Variants in RBM47 observed in about 807,000 individuals in gnomAD.
The protein encoded by RBM47 is RNA-binding protein 47.
RBM47 carries 21 observed loss-of-function variants against 47.1 expected under a neutral mutation model. That is an observed-to-expected ratio of 0.45 (90% CI 0.32 to 0.64). RBM47 has a LOEUF of 0.64. Among genes scored for constraint, RBM47 ranks in the 30% least tolerant of loss-of-function variants. The pLI is 0.05. For missense variants in RBM47, 708 were observed against 870.9 expected, an observed-to-expected ratio of 0.81 and a Z score of 2.35; for synonymous variants, 375 against 361.7, an observed-to-expected ratio of 1.04 and a Z score of -0.42.
At chr4:40,582,626 T>C (rs1733063482) in intron 1 of RBM47, among the ~76,000 whole-genome samples, 1 of 152,222 alleles carries the variant, frequency 6.6e-6, no homozygotes, top group Non-Finnish European at 1.5e-5. Context: ...ATCTGTTCCC[T>C]GCCTCACTCC....
chr4:40,533,699 A>G (rs770340320), intron 2 of RBM47, among the ~76,000 whole-genome samples: 1 of 152,020 alleles, frequency 6.6e-6, no homozygotes, highest in Non-Finnish European at 1.5e-5. Context: ...GCAGTGGCAA[A>G]AACATGGCTC....
At position 40,478,200 on chromosome 4, in the gene RBM47, A is replaced by G. The variant is rs1719908814; in HGVS notation, c.-154-11501T>C. On this transcript the variant is annotated intron_variant, in intron 2 of 6. Transcript: ENST00000295971. ...CCGGATAATTTTGTATTTTTAGTAG[A>G]GACGGGGTTTCACCATGTTGGTCAG... Among the ~76,000 whole-genome samples, 4 of 152,064 alleles carry G rather than the reference A, an allele frequency of 2.6e-5. No individual in the cohort carries two copies. The South Asian group carries it at 8.3e-4, about 32-fold the overall frequency.
chr4:40,564,027 T>G (rs1394527814), intron 1 of RBM47, among the ~76,000 whole-genome samples: 1 of 152,158 alleles, frequency 6.6e-6, no homozygotes, highest in Non-Finnish European at 1.5e-5. Flanking sequence ...CTGGGCAACA[T>G]AGCAAGACAC....
chr4:40,563,900 A>G (rs922848146), intron 1 of RBM47, among the ~76,000 whole-genome samples: 3 of 152,190 alleles, frequency 2.0e-5, no homozygotes, highest in African/African-American at 4.8e-5. Flanking sequence ...AAGCTAAGCA[A>G]AAATGTAAAA....
At chr4:40,459,790 G>T (rs1334842268) in intron 3 of RBM47, among the ~76,000 whole-genome samples, 1 of 151,992 alleles carries the variant, frequency 6.6e-6, no homozygotes, top group Non-Finnish European at 1.5e-5. Flanking sequence ...GCTAAGGCTG[G>T]TGTGCAATAG....
chr4:40,534,875 C>T (rs1727773533), intron 2 of RBM47, among the ~76,000 whole-genome samples: 1 of 148,668 alleles, frequency 6.7e-6, no homozygotes, highest in Non-Finnish European at 1.5e-5. Context: ...GCGGAGCTTG[C>T]AGTGAGCCGA....
chr4:40,452,711 T>C (rs1379395001), intron 3 of RBM47, among the ~76,000 whole-genome samples: 4 of 152,078 alleles, frequency 2.6e-5, no homozygotes, highest in Non-Finnish European at 4.4e-5. Context: ...GCCTTTTTTC[T>C]ACAATTAGAA....
At chr4:40,434,009 G>A (rs200558594) in intron 5 of RBM47, among the ~76,000 whole-genome samples, 4,108 of 54,974 alleles carry the variant, frequency 0.075, 608 homozygotes, top group Middle Eastern at 0.26. Flanking sequence ...GGGGGTGTGT[G>A]TGTGTGTGTG....
At chr4:40,585,952 C>G (rs1733537494) in intron 1 of RBM47, among the ~76,000 whole-genome samples, 1 of 152,340 alleles carries the variant, frequency 6.6e-6, no homozygotes, top group African/African-American at 2.4e-5. Flanking sequence ...CAGGACGGTA[C>G]TCTTTATCTC....
At chr4:40,543,875 A>C (rs1270048609) in intron 2 of RBM47, 1 of 151,580 alleles carries the variant, frequency 6.6e-6, no homozygotes, top group African/African-American at 2.4e-5. Flanking sequence ...TCATCAGACT[A>C]TGCATTTCTT....
At position 40,469,230 on chromosome 4, in the gene RBM47, C is replaced by A. The variant is rs545826219; in HGVS notation, c.-154-2531G>T. 1.6e-3 allele frequency among the ~76,000 whole-genome samples: 240 copies of A among 152,132 alleles called. 1 individual carries two copies. Among genetic ancestry groups the A allele is most frequent in the African/African-American group, 5.4e-3 (225 of 41,492 alleles). On this transcript the variant is annotated intron_variant, in intron 2 of 6. Transcript: ENST00000295971. ...ACATGTAAACTCTAAGAATTGAAAG[C>A]AAATTATTAATATATAAATGAAACA... is the stretch of plus-strand genomic sequence containing the variant.
intron 2 of RBM47, among the ~76,000 whole-genome samples, chr4:40,525,744 G>A (rs1430361587): frequency 2.0e-5 from 3 of 152,308 alleles, no homozygotes; most frequent in African/African-American, 7.2e-5. Flanking sequence ...AAAACCTAGG[G>A]AATAGGCTTA....
At chr4:40,452,986 G>A (rs1013233055) in intron 3 of RBM47, among the ~76,000 whole-genome samples, 16 of 151,740 alleles carry the variant, frequency 1.1e-4, no homozygotes, top group Admixed American at 8.5e-4. Context: ...TGGAACTACA[G>A]GCACCCACCA....
chr4:40,503,268 G>A (rs978764036), intron 2 of RBM47, among the ~76,000 whole-genome samples: 4 of 152,202 alleles, frequency 2.6e-5, no homozygotes, highest in African/African-American at 9.6e-5. Flanking sequence ...AGGAGGCTGG[G>A]TAGATGCTTT....
At chr4:40,551,336 C>T (rs769733194) in intron 1 of RBM47, among the ~76,000 whole-genome samples, 11 of 152,112 alleles carry the variant, frequency 7.2e-5, no homozygotes, top group Admixed American at 1.3e-4. Flanking sequence ...ACTTTTGCAA[C>T]GTGGAATCAG....
chr4:40,574,180 A>C (rs1470839292), intron 1 of RBM47, among the ~76,000 whole-genome samples: 2 of 152,212 alleles, frequency 1.3e-5, no homozygotes, highest in Non-Finnish European at 2.9e-5. Flanking sequence ...CCGAGATCTA[A>C]ATATTCTCCC....
chr4:40,616,028 A>C (rs575624704), intron 1 of RBM47, among the ~76,000 whole-genome samples: 1 of 152,248 alleles, frequency 6.6e-6, no homozygotes, highest in Admixed American at 6.5e-5. Context: ...TTCTACCTCC[A>C]TCCAATTCTA....
At chr4:40,446,207 T>C (rs1714500021) in intron 3 of RBM47, among the ~76,000 whole-genome samples, 2 of 152,216 alleles carry the variant, frequency 1.3e-5, no homozygotes, top group Admixed American at 6.5e-5. Flanking sequence ...TATTAACTCA[T>C]TCTAATCCTC....
chr4:40,478,561 T>G (rs909960550), intron 2 of RBM47, among the ~76,000 whole-genome samples: 1 of 152,132 alleles, frequency 6.6e-6, no homozygotes, highest in Non-Finnish European at 1.5e-5. Context: ...GAGGAAGAAA[T>G]GGAGCATAGT....
Sources: gnomAD v4.1 joint callset for allele counts (sites outside exome capture counted in the v4.1 genomes callset) on GRCh38, gnomAD v4.1.1 for gene constraint, MANE v1.5 for transcripts, NCBI Gene and HGNC (gene_info 2026-07-23, HGNC 2026-07-21) for gene names.